Variants in TDRD6 observed in about 807,000 individuals in gnomAD.
TDRD6 encodes tudor domain-containing protein 6.
In TDRD6, 186 loss-of-function variants were observed where a neutral mutation model predicts 157.5. That is an observed-to-expected ratio of 1.18 (90% CI 1.05 to 1.33). TDRD6 has a LOEUF of 1.33. Among genes scored for constraint, TDRD6 ranks in the 40% most tolerant of loss-of-function variants. TDRD6 has a pLI of 0.00. For missense variants in TDRD6, 3,066 were observed against 2,508.0 expected, an observed-to-expected ratio of 1.22 and a Z score of -4.75; for synonymous variants, 1,075 against 945.2, an observed-to-expected ratio of 1.14 and a Z score of -2.52.
chr6:46,693,943 G>A lies in TDRD6; in HGVS notation c.5815G>A (p.Asp1939Asn). ...QKAQESMCTE[D>N]MRKSSCVESF... is the part of the protein sequence containing the mutation. ...AGCACAGGAATCCATGTGTACTGAG[G>A]ACATGAGAAAGTCAAGTTGTGTAGA... Residue 1939 changes from aspartate (D) to asparagine (N), a missense_variant, in exon 1 of 4, where the codon GAC becomes AAC. By Grantham distance (23) the Asp-to-Asn change is conservative. Transcript: ENST00000316081. 1 of 1,613,922 alleles carries A rather than the reference G, an allele frequency of 6.2e-7. No homozygotes were observed. Among genetic ancestry groups the A allele is most frequent in the Admixed American group, 1.7e-5 (1 of 59,992 alleles).
chr6:46,690,871 CA>C lies in TDRD6; in HGVS notation c.2750del (p.Asn917IlefsTer2). Reference sequence around the variant, plus strand: ...CAATGAATTTATAGATAATGCATGGCAAAAAAATCTAGAATTAAAATGTACA... The same window carrying C: ...CAATGAATTTATAGATAATGCATGGCAAAAAATCTAGAATTAAAATGTACA... Reference protein sequence around the residue: ...AFNEFIDNAWQKNLELKCTIF... With the variant: ...AFNEFIDNAWXKNLELKCTIF... On this transcript the variant is annotated frameshift_variant, in exon 1 of 4. Coordinates refer to ENST00000316081, the MANE Select transcript of TDRD6 (RefSeq NM_001010870.3). LOFTEE classifies it high-confidence loss of function. 1.9e-6 allele frequency: 3 copies of C among 1,612,718 alleles called. No homozygotes were observed. The highest frequency in any genetic ancestry group is 1.1e-5 in the South Asian group (1 of 90,844).
At chr6:46,696,605 T>A (rs868103395) in intron 2 of TDRD6, among the ~76,000 whole-genome samples, 177 of 41,662 alleles carry the variant, frequency 4.2e-3, no homozygotes, top group African/African-American at 7.4e-3. Context: ...ATATATATTT[T>A]TTTTTTTTTT....
In TDRD6 at chr6:46,687,991, T is replaced by A. The variant is rs1210828640; in HGVS notation, c.-138T>A. ...ACGGGGGAGTTGCCGAGAAAAGGCC[T>A]CGCCGGCATTCTTCCCCTCCACTGG... On this transcript the variant is annotated 5_prime_UTR_variant, in exon 1 of 4. Coordinates refer to ENST00000316081, the MANE Select transcript of TDRD6 (RefSeq NM_001010870.3). The A allele has an allele frequency of 7.6e-7, 1 of 1,315,978 alleles. No individual in the cohort carries two copies. The highest frequency in any genetic ancestry group is 3.1e-5 in the East Asian group (1 of 32,708). The allele number at this position is 1,315,978 out of a possible 1,614,324, so 81.5% of individuals were successfully genotyped here.
At chr6:46,685,474 G>C (rs965843649), upstream of TDRD6, among the ~76,000 whole-genome samples, 3 of 152,050 alleles carry the variant, frequency 2.0e-5, no homozygotes, top group Non-Finnish European at 2.9e-5. Flanking sequence ...AAAAAATATT[G>C]AAGTGGCTCA....
chr6:46,688,518 G>T lies in TDRD6; in HGVS notation c.390G>T (p.Val130=). 6.4e-7 allele frequency: 1 copy of T among 1,566,826 alleles called. No individual in the cohort carries two copies. The highest frequency in any genetic ancestry group is 8.6e-7 in the Non-Finnish European group (1 of 1,159,812). ...FNLPSEVLGC[V]LAGLVPAGCG... ...TGCCCTCGGAAGTGCTGGGCTGCGT[G>T]CTAGCGGGCCTGGTGCCGGCAGGCT... is the stretch of plus-strand genomic sequence containing the variant. The change falls in exon 1 of 4, where the codon GTG becomes GTT. Residue 130 remains valine, a synonymous_variant. Transcript: ENST00000316081.
Position 46,688,474 on chromosome 6 carries a change from C to G in TDRD6, c.346C>G (p.Arg116Gly). ...CGGAGCAGGCTCGCTGGCGCCTGGG[C>G]GCAGAGAGTTCTTCAATTTGCCCTC... is the stretch of plus-strand genomic sequence containing the variant. ...TAGAGSLAPG[R>G]REFFNLPSEV... The change falls in exon 1 of 4, where the codon CGC (arginine) becomes GGC (glycine). Residue 116 changes from arginine to glycine, a missense_variant. Physicochemically the swap from Arg to Gly is moderately radical, Grantham distance 125. Transcript: ENST00000316081. The G allele has an allele frequency of 6.5e-7, 1 of 1,547,216 alleles. No homozygotes were observed.
At chr6:46,696,062 C>T (rs900181121) in intron 2 of TDRD6, 117 bp downstream of exon 2, 3 of 1,136,544 alleles carry the variant, frequency 2.6e-6, no homozygotes, top group Non-Finnish European at 2.5e-6. Flanking sequence ...GCTTGTTCCC[C>T]CTGATAACTT....
chr6:46,692,274 T>C lies in TDRD6; in HGVS notation c.4146T>C (p.Leu1382=). ...AVIKEQQPND[L]LSVQFIDYGN... ...TCAAGGAGCAACAACCCAATGACCT[T>C]CTCTCTGTGCAGTTTATAGATTATG... Residue 1382 remains leucine (L), a synonymous_variant, in exon 1 of 4, where the codon CTT becomes CTC. Transcript: ENST00000316081. 3 of 1,614,082 alleles carry C rather than the reference T, an allele frequency of 1.9e-6. No homozygotes were observed. The highest frequency in any genetic ancestry group is 2.5e-6 in the Non-Finnish European group (3 of 1,179,982).
rs778014678 is a variant in TDRD6 at position 46,692,355 on chromosome 6, A to G, written c.4227A>G (p.Ala1409=). ...TAGGTAGGCTTGACCTTGTTAATGCAATATTGCCGGGGTTGTGCATTCATT... is the reference window on the plus strand; with the variant it reads ...TAGGTAGGCTTGACCTTGTTAATGCGATATTGCCGGGGTTGTGCATTCATT... ...NKIGRLDLVN[A]ILPGLCIHCS... Residue 1409 remains alanine, a synonymous_variant, in exon 1 of 4, where the codon GCA becomes GCG. Transcript: ENST00000316081. The G allele has an allele frequency of 3.1e-6, 5 of 1,614,204 alleles. No individual in the cohort carries two copies. The highest frequency in any genetic ancestry group is 4.2e-6 in the Non-Finnish European group (5 of 1,180,038).
At position 46,692,183 on chromosome 6, in the gene TDRD6, C is replaced by CT. The variant is rs1471280003; in HGVS notation, c.4058dup (p.Leu1353PhefsTer15). On this transcript the variant is annotated frameshift_variant, in exon 1 of 4. Coordinates refer to ENST00000316081, the MANE Select transcript of TDRD6 (RefSeq NM_001010870.3). LOFTEE classifies it high-confidence loss of function. ...AGGCCCGAATATTATGTAGGTCCAC[C>CT]TTTGCAAAGAGGAGATATGATATGT... 1 of 1,614,000 alleles carries CT rather than the reference C, an allele frequency of 6.2e-7. No individual in the cohort carries two copies. Among genetic ancestry groups the CT allele is most frequent in the African/African-American group, 1.3e-5 (1 of 74,918 alleles).
chr6:46,696,553 G>GTATA (rs1764505354), intron 2 of TDRD6, among the ~76,000 whole-genome samples: 1 of 43,198 alleles, frequency 2.3e-5, no homozygotes, highest in Non-Finnish European at 3.7e-5. Flanking sequence ...ATGTATATAT[G>GTATA]TGTGTGTGTG....
At chr6:46,699,232 G>C (rs1039255958) in intron 3 of TDRD6, among the ~76,000 whole-genome samples, 4 of 152,168 alleles carry the variant, frequency 2.6e-5, no homozygotes, top group African/African-American at 9.7e-5. Context: ...TAGCCAGACA[G>C]TATTTTTCTC....
chr6:46,680,458 G>A, the TDRD6 span, among the ~76,000 whole-genome samples: 1 of 152,074 alleles, frequency 6.6e-6, no homozygotes, highest in Non-Finnish European at 1.5e-5. Context: ...GATTCTTTAT[G>A]CTTGGGTTTA....
Position 46,692,324 on chromosome 6 carries a change from A to G in TDRD6, c.4196A>G (p.Asn1399Ser), listed in dbSNP as rs140133370. 3,931 of 1,614,194 alleles carry G rather than the reference A, an allele frequency of 2.4e-3. 9 individuals carry two copies. Among genetic ancestry groups the G allele is most frequent in the Admixed American group, 3.6e-3 (219 of 60,022 alleles). ...GGCAATGTTTCTGTGGTTCATACTA[A>G]CAAAATAGGTAGGCTTGACCTTGTT... is the stretch of plus-strand genomic sequence containing the variant. ...DYGNVSVVHT[N>S]KIGRLDLVNA... is the part of the protein sequence containing the mutation. The change falls in exon 1 of 4, where the codon AAC becomes AGC. Residue 1399 changes from asparagine to serine, a missense_variant. Coordinates refer to ENST00000316081, the MANE Select transcript of TDRD6 (RefSeq NM_001010870.3).
chr6:46,692,021 A>C lies in TDRD6; in HGVS notation c.3893A>C (p.Gln1298Pro), dbSNP rs774744830. ...CCTCTGAAATTTTGTGAGTTCCCAC[A>C]GAAGACTATAATGCCTGGATTTAAA... ...DLPLKFCEFP[Q>P]KTIMPGFKTT... Residue 1298 changes from glutamine (Q) to proline (P), a missense_variant, in exon 1 of 4, where the codon CAG becomes CCG. Gln to Pro is a moderately conservative substitution (Grantham distance 76, BLOSUM62 -1). Coordinates refer to ENST00000316081, the MANE Select transcript of TDRD6 (RefSeq NM_001010870.3). 2.5e-6 allele frequency: 4 copies of C among 1,613,886 alleles called. No homozygotes were observed. The highest frequency in any genetic ancestry group is 3.4e-6 in the Non-Finnish European group (4 of 1,179,924).
rs1278485362 is a variant in TDRD6 at position 46,688,595 on chromosome 6, A to T, written c.467A>T (p.Asp156Val). 1.3e-6 allele frequency: 2 copies of T among 1,598,836 alleles called. No homozygotes were observed. The stretch of plus-strand genomic sequence containing the variant: ...CAGCACTGGCCCGCCGACGCCGTGG[A>T]CTTCCTTAGCAACCTTCAGGGCAAG... Reference protein sequence around the residue: ...PPQHWPADAVDFLSNLQGKEV... With the variant: ...PPQHWPADAVVFLSNLQGKEV... Residue 156 changes from aspartate (D) to valine (V), a missense_variant, in exon 1 of 4, where the codon GAC (aspartate) becomes GTC (valine). Asp to Val is a radical substitution (Grantham distance 152). Transcript: ENST00000316081.
chr6:46,695,879 G>C lies in TDRD6; in HGVS notation c.6105G>C (p.Val2035=). ...TTACTGTTGGATCTAAATGTGTTGT[G>C]TGGTCAAGTCTAAGAAACACATGGT... ...KAFTVGSKCV[V]WSSLRNTWSK... is the part of the protein sequence containing the mutation. Residue 2035 remains valine, a synonymous_variant, in exon 2 of 4, where the codon GTG becomes GTC. Coordinates refer to ENST00000316081, the MANE Select transcript of TDRD6 (RefSeq NM_001010870.3). 1 of 1,613,694 alleles carries C rather than the reference G, an allele frequency of 6.2e-7. No individual in the cohort carries two copies. Among genetic ancestry groups the C allele is most frequent in the Non-Finnish European group, 8.5e-7 (1 of 1,179,750 alleles).
In TDRD6 at chr6:46,688,105, TGGG is replaced by T. The variant is rs748724178; in HGVS notation, c.-21_-19del. On this transcript the variant is annotated 5_prime_UTR_variant, in exon 1 of 4. Transcript: ENST00000316081. ...AGGCGCGGCCCTTAATTTCCGGAAG[TGGG>T]GGCCGCGCCGCGCCGTCAAGATGTG... The T allele has an allele frequency of 2.0e-5, 29 of 1,447,774 alleles. No homozygotes were observed. The highest frequency in any genetic ancestry group is 2.5e-5 in the Non-Finnish European group (28 of 1,109,322). The allele number at this position is 1,447,774 out of a possible 1,614,324, so 89.7% of individuals were successfully genotyped here. A position where few individuals can be genotyped will look rare whatever the true frequency, so the allele number is the denominator to read the frequency against.
chr6:46,681,496 T>C, the TDRD6 span: 3 of 469,324 alleles, frequency 6.4e-6, 1 homozygote. Flanking sequence ...ATACATTACT[T>C]TCTTCTCTCC....
Sources: allele counts gnomAD v4.1 joint callset (sites outside exome capture counted in the v4.1 genomes callset), GRCh38; gene constraint gnomAD v4.1.1; transcripts MANE v1.5; gene names NCBI Gene and HGNC (gene_info 2026-07-23, HGNC 2026-07-21).